Variants in CFAP74 observed in about 807,000 individuals in gnomAD.
CFAP74 encodes the protein cilia- and flagella-associated protein 74.
A neutral mutation model predicts 188.9 loss-of-function variants in CFAP74; 124 were observed. The observed-to-expected ratio is 0.66, with a 90% CI of 0.57 to 0.76. CFAP74 has a LOEUF of 0.76. CFAP74 is among the 30% of genes least tolerant of loss of function. The pLI, the probability that CFAP74 is intolerant of heterozygous loss-of-function variation, is 0.00. For missense variants in CFAP74, 2,198 were observed against 2,165.2 expected (o/e 1.02, Z -0.30); for synonymous variants, 956 against 916.7 (o/e 1.04, Z -0.77).
chr1:1,925,290 AAAGGCATGAGGGCACACGCTGGTGTG>A (rs1235421514), intron 33 of CFAP74, among the ~76,000 whole-genome samples: 33 of 115,562 alleles, frequency 2.9e-4, no homozygotes, highest in Admixed American at 5.9e-4. Context: ...ACGCTGGTGC[AAAGGCATGAGGGCACACGCTGGTGTG>A]AAGGCATGAG....
chr1:1,978,085 C>T (rs1344347148), intron 6 of CFAP74, among the ~76,000 whole-genome samples: 3 of 152,210 alleles, frequency 2.0e-5, no homozygotes, highest in African/African-American at 7.2e-5. Context: ...GGGGCTCAAG[C>T]GATCTGCCCA....
At chr1:1,941,032 G>C (rs929102882) in intron 22 of CFAP74, among the ~76,000 whole-genome samples, 49 of 152,276 alleles carry the variant, frequency 3.2e-4, no homozygotes, top group African/African-American at 1.1e-3. Flanking sequence ...AGAATGGCGT[G>C]AACCCGGGAG....
intron 9 of CFAP74, among the ~76,000 whole-genome samples, chr1:1,971,171 A>G (rs557706037): frequency 4.6e-5 from 7 of 151,598 alleles, no homozygotes; most frequent in South Asian, 2.1e-4. Context: ...ACACATGCAC[A>G]CCTGCACACA....
intron 14 of CFAP74, among the ~76,000 whole-genome samples, chr1:1,961,999 AG>A (rs1182748037): frequency 6.6e-6 from 1 of 152,102 alleles, no homozygotes; most frequent in African/African-American, 2.4e-5. Context: ...CTGGGCAGCA[AG>A]GGGGGAATGA....
At position 1,973,063 on chromosome 1, in the gene CFAP74, G is replaced by A. The variant is rs1318778141; in HGVS notation, c.675-16C>T. ...CAGGGACTTCCTGTGGGGATATGGG[G>A]CCGTCAGAGGGAAACTCGGCATCAC... On this transcript the variant is annotated splice_polypyrimidine_tract_variant and intron_variant, in intron 7 of 38. Coordinates refer to ENST00000682832, the MANE Select transcript of CFAP74 (RefSeq NM_001304360.2). The surrounding 1 kb of genome is among the most constrained non-coding windows in gnomAD (Gnocchi z 6.2). 1 of 1,582,846 alleles carries A rather than the reference G, an allele frequency of 6.3e-7. No individual in the cohort carries two copies. Among genetic ancestry groups the A allele is most frequent in the East Asian group, 2.2e-5 (1 of 44,654 alleles).
Position 1,946,410 on chromosome 1 carries a change from G to A in CFAP74, c.2271C>T (p.Ser757=), listed in dbSNP as rs1479376207. ...EVTEGEIGPF[S]SIKVPIVFTP... Reference sequence around the variant, plus strand: ...TGAAGACGATGGGCACCTTGATGGAGCTGAAGGGGCCAATTTCCCCTTCTG... The same window carrying A: ...TGAAGACGATGGGCACCTTGATGGAACTGAAGGGGCCAATTTCCCCTTCTG... Residue 757 remains serine (S), a synonymous_variant, in exon 20 of 39, where the codon AGC becomes AGT. Coordinates refer to ENST00000682832, the MANE Select transcript of CFAP74 (RefSeq NM_001304360.2). 6.5e-7 allele frequency: 1 copy of A among 1,536,926 alleles called. No homozygotes were observed. The highest frequency in any genetic ancestry group is 2.0e-5 in the Admixed American group (1 of 50,942).
chr1:1,953,090 C>G (rs1654301432), intron 18 of CFAP74, among the ~76,000 whole-genome samples: 1 of 152,030 alleles, frequency 6.6e-6, no homozygotes, highest in Admixed American at 6.6e-5. Context: ...ATGTAAAGGA[C>G]CTAAACTATC....
intron 2 of CFAP74, 27 bp from the exon 3 acceptor site, chr1:1,989,000 A>G: frequency 8.5e-7 from 1 of 1,172,242 alleles, no homozygotes; most frequent in Non-Finnish European, 1.2e-6. Flanking sequence ...GAGTTTAAAA[A>G]AAAAAAAAAG....
At position 1,946,959 on chromosome 1, in the gene CFAP74, G is replaced by A. The variant is rs1042445763; in HGVS notation, c.2241+31C>T. 1.1e-5 allele frequency: 17 copies of A among 1,506,098 alleles called. No homozygotes were observed. The Middle Eastern group carries it at 5.0e-4, about 45-fold the overall frequency. 93.3% of individuals were successfully genotyped at this position (1,506,098 alleles called of 1,614,324 possible). The stretch of plus-strand genomic sequence containing the variant: ...GAAGGTGGGCGGTGTCTTGGATCGT[G>A]GCAGCTATTTTAGGGCCTGAGCTGG... On this transcript the variant is annotated intron_variant, in intron 19 of 38. Coordinates refer to ENST00000682832, the MANE Select transcript of CFAP74 (RefSeq NM_001304360.2).
At chr1:1,997,709 C>A (rs1657989059) in intron 1 of CFAP74, among the ~76,000 whole-genome samples, 1 of 152,132 alleles carries the variant, frequency 6.6e-6, no homozygotes, top group Admixed American at 6.5e-5. Context: ...ACACACAGAC[C>A]TCTACAGAGA....
chr1:1,926,080 G>A (rs1651866582), intron 32 of CFAP74, 142 bp from the exon 33 acceptor site: 3 of 1,402,802 alleles, frequency 2.1e-6, no homozygotes, highest in Non-Finnish European at 2.8e-6. Context: ...CTTGGCGGCT[G>A]GTGTGAGGGC....
rs1404041721 is a variant in CFAP74, at chr1:1,926,668, G to T, written c.3756C>A (p.Phe1252Leu). ...GCGTCTCACCCACAGCGACGTCGCCGAAGTTAAAGATGGTCTTGCCTTTAT... is the reference window on the plus strand; with the variant it reads ...GCGTCTCACCCACAGCGACGTCGCCTAAGTTAAAGATGGTCTTGCCTTTAT... Reference protein sequence around the residue: ...TSHKGKTIFNFGDVAVGHRSI... With the variant: ...TSHKGKTIFNLGDVAVGHRSI... The change falls in exon 30 of 39, where the codon TTC (phenylalanine) becomes TTA (leucine). Residue 1252 changes from phenylalanine (F) to leucine (L), a missense_variant. By Grantham distance (22) the Phe-to-Leu change is conservative (BLOSUM62 0). Transcript: ENST00000682832. 1.9e-6 allele frequency: 3 copies of T among 1,549,976 alleles called. No individual in the cohort carries two copies. The Admixed American group carries it at 5.9e-5, about 30-fold the overall frequency.
At chr1:1,959,503 C>T (rs151302461) in intron 15 of CFAP74, among the ~76,000 whole-genome samples, 1,980 of 152,276 alleles carry the variant, frequency 0.013, 52 homozygotes, top group African/African-American at 0.046. Context: ...TGGGCTCAAG[C>T]GACCCTCCTG....
At chr1:1,933,010 C>T (rs994741448) in intron 25 of CFAP74, among the ~76,000 whole-genome samples, 8 of 150,018 alleles carry the variant, frequency 5.3e-5, no homozygotes, top group African/African-American at 9.8e-5. Context: ...CTCAGCCTCC[C>T]GAGTAGCTGG....
At position 1,922,344 on chromosome 1, in the gene CFAP74, C is replaced by T. The variant is rs199922119; in HGVS notation, c.4863G>A (p.Gly1621=). 710 of 1,602,544 alleles carry T rather than the reference C, an allele frequency of 4.4e-4. 1 individual carries two copies. Among genetic ancestry groups the T allele is most frequent in the Non-Finnish European group, 5.5e-4 (650 of 1,176,988 alleles). The part of the protein sequence containing the change: ...LMVSALLQLR[G]DVKETYKVIF... ...TGACCTTGTAGGTCTCCTTCACATC[C>T]CCCCTTAGCTGCAGCAGGGCCGACA... The change falls in exon 39 of 39, where the codon GGG becomes GGA. Residue 1621 remains glycine, a synonymous_variant. Transcript: ENST00000682832.
intron 1 of CFAP74, among the ~76,000 whole-genome samples, chr1:2,000,803 C>T (rs573778499): frequency 1.3e-5 from 2 of 152,254 alleles, no homozygotes; most frequent in South Asian, 4.2e-4. Context: ...TACTTACAGG[C>T]ATCACTGTAA....
Position 1,926,491 on chromosome 1 carries a change from A to T in CFAP74, c.3794T>A (p.Ile1265Asn). The change falls in exon 31 of 39, where the codon ATC becomes AAC. Residue 1265 changes from isoleucine (I) to asparagine (N), a missense_variant. Ile to Asn is a moderately radical substitution (Grantham distance 149). Coordinates refer to ENST00000682832, the MANE Select transcript of CFAP74 (RefSeq NM_001304360.2). Reference protein sequence around the residue: ...VAVGHRSIKKISIQNVSPEDL... With the variant: ...VAVGHRSIKKNSIQNVSPEDL... ...CTCGGGAGAGACGTTCTGGATGGAG[A>T]TCTTCTTGATACTGCGGTGCCCTGA... is the stretch of plus-strand genomic sequence containing the variant. 2 of 1,549,960 alleles carry T rather than the reference A, an allele frequency of 1.3e-6. No homozygotes were observed. The highest frequency in any genetic ancestry group is 1.7e-6 in the Non-Finnish European group (2 of 1,146,858).
At chr1:1,948,874 ATTCC>A (rs201108284) in intron 18 of CFAP74, among the ~76,000 whole-genome samples, 980 of 93,328 alleles carry the variant, frequency 0.011, 19 homozygotes, top group Middle Eastern at 0.034. Context: ...GATTGCTGCA[ATTCC>A]TTCCTTCCTT....
chr1:1,966,551 C>T lies in CFAP74; in HGVS notation c.1246-25G>A, dbSNP rs1299770324. The T allele has an allele frequency of 2.0e-6, 3 of 1,501,424 alleles. No individual in the cohort carries two copies. In the Admixed American group the frequency reaches 6.6e-5, roughly 33 times the overall value. The allele number at this position is 1,501,424 out of a possible 1,614,324, so 93.0% of individuals were successfully genotyped here. A position where few individuals can be genotyped will look rare whatever the true frequency, so the allele number is the denominator to read the frequency against. On this transcript the variant is annotated intron_variant, in intron 11 of 38. Transcript: ENST00000682832. Reference sequence around the variant, plus strand: ...CCTGCAGTCGGGGAGAGGAACATCGCAAAGACACGCTCATGACAGAGAACA... The same window carrying T: ...CCTGCAGTCGGGGAGAGGAACATCGTAAAGACACGCTCATGACAGAGAACA...
Sources: gnomAD v4.1 joint callset for allele counts (sites outside exome capture counted in the v4.1 genomes callset) on GRCh38, gnomAD v4.1.1 for gene constraint, Gnocchi (gnomAD v3.1) non-coding constraint, MANE v1.5 for transcripts, NCBI Gene and HGNC (gene_info 2026-07-23, HGNC 2026-07-21) for gene names.